Variants in JPT2 observed in about 807,000 individuals in gnomAD.
JPT2 encodes CRAMP_1 like.
In JPT2, 9 loss-of-function variants were observed where a neutral mutation model predicts 15.9. The ratio of observed to expected loss-of-function variants is 0.57; its 90% confidence interval spans 0.34 to 0.99. The LOEUF (loss-of-function observed/expected upper bound fraction) is 0.99. JPT2 is among the 50% of genes least tolerant of loss of function. The pLI, the probability that JPT2 is intolerant of heterozygous loss-of-function variation, is 0.02. For missense variants in JPT2, 267 were observed against 252.1 expected (o/e 1.06, Z -0.40); for synonymous variants, 95 against 91.7 (o/e 1.04, Z -0.21).
chr16:1,689,357 C>G (rs1170038500), intron 2 of JPT2: 2 of 152,202 alleles, frequency 1.3e-5, no homozygotes, highest in African/African-American at 2.4e-5. Flanking sequence ...TGCAGCATTG[C>G]TGAGGGCTTA....
At chr16:1,687,680 C>T (rs1227595682) in intron 2 of JPT2, among the ~76,000 whole-genome samples, 3 of 152,312 alleles carry the variant, frequency 2.0e-5, no homozygotes, top group Non-Finnish European at 4.4e-5. Context: ...GTGGTGCCAG[C>T]CATCATGGCT....
At chr16:1,692,012 C>T (rs762644506) in intron 3 of JPT2, 27 bp downstream of exon 3, 9 of 1,612,530 alleles carry the variant, frequency 5.6e-6, no homozygotes, top group African/African-American at 1.3e-5. Context: ...GACGTGACAG[C>T]GCAGCAGCGG....
intron 2 of JPT2, among the ~76,000 whole-genome samples, chr16:1,687,732 T>A (rs1432804185): frequency 1.3e-5 from 2 of 152,208 alleles, no homozygotes; most frequent in Admixed American, 6.5e-5. Context: ...TTCTCACGGT[T>A]GTTGGGAGTT....
At position 1,698,152 on chromosome 16, in the gene JPT2, A is replaced by G. The variant is rs1246210264; in HGVS notation, c.385+292A>G. Among the ~76,000 whole-genome samples the G allele has an allele frequency of 2.0e-5, 3 of 152,200 alleles. No individual in the cohort carries two copies. The highest frequency in any genetic ancestry group is 4.4e-5 in the Non-Finnish European group (3 of 68,024). On this transcript the variant is annotated intron_variant, in intron 4 of 4. Transcript: ENST00000248098. This position sits in a 1 kb window ranked among gnomAD's most constrained non-coding sequence, Gnocchi z 4.9. ...GGGATCCCAAACCTTCAGTGAACTC[A>G]TGACCAAGCATAGAGCTGGCAGAAC...
chr16:1,680,249 T>G, intron 1 of JPT2: 2 of 815,262 alleles, frequency 2.5e-6, no homozygotes, highest in Non-Finnish European at 3.0e-6. Flanking sequence ...GTGCATTTAG[T>G]ACGTTTCCTT....
rs1452735108 is a variant in JPT2 at position 1,701,614 on chromosome 16, TAAATG to T, written c.*2619_*2623del. 1 of 152,270 alleles carries T rather than the reference TAAATG, an allele frequency of 6.6e-6. No individual in the cohort carries two copies. The highest frequency in any genetic ancestry group is 1.5e-5 in the Non-Finnish European group (1 of 68,074). The allele number at this position is 152,270 out of a possible 1,614,324, so 9.4% of individuals were successfully genotyped here. On this transcript the variant is annotated 3_prime_UTR_variant, in exon 5 of 5. Coordinates refer to ENST00000248098, the MANE Select transcript of JPT2 (RefSeq NM_144570.3). ...TTTTTTTTTTTCTGTTTCTGTAACT[TAAATG>T]AACGGGTTTTTTTCCCTTGTATGCC...
chr16:1,698,989 C>G lies in JPT2; in HGVS notation c.564C>G (p.Ser188=). ...CACCGGGAGGCAAATCCAGCATCTC[C>G]TTCTACTAAGAGAAGCCACTGCTCC... ...LNPPGGKSSI[S]FY is the part of the protein sequence containing the mutation. Residue 188 remains serine (S), a synonymous_variant, in exon 5 of 5, where the codon TCC becomes TCG. Coordinates refer to ENST00000248098, the MANE Select transcript of JPT2 (RefSeq NM_144570.3). The surrounding 1 kb of genome is among the most constrained non-coding windows in gnomAD (Gnocchi z 4.9). The G allele has an allele frequency of 1.9e-6, 3 of 1,612,586 alleles. No homozygotes were observed. Among genetic ancestry groups the G allele is most frequent in the Admixed American group, 1.7e-5 (1 of 59,940 alleles).
At position 1,698,577 on chromosome 16, in the gene JPT2, G is replaced by A. The variant is rs1361419631; in HGVS notation, c.386-234G>A. On this transcript the variant is annotated intron_variant, in intron 4 of 4. Transcript: ENST00000248098. The surrounding 1 kb of genome is among the most constrained non-coding windows in gnomAD (Gnocchi z 4.9). ...ACAATTCACTTAGGAAGAAATCAAG[G>A]AGTATTTACAGTAGCAAGCCCCAAC... is the stretch of plus-strand genomic sequence containing the variant. Among the ~76,000 whole-genome samples, 1 of 152,186 alleles carries A rather than the reference G, an allele frequency of 6.6e-6. No homozygotes were observed. The highest frequency in any genetic ancestry group is 2.4e-5 in the African/African-American group (1 of 41,442).
At position 1,701,624 on chromosome 16, in the gene JPT2, G is replaced by C. The variant is rs1349425845; in HGVS notation, c.*2626G>C. ...TCTGTTTCTGTAACTTAAATGAACGGGTTTTTTTCCCTTGTATGCCACTTG... is the reference window on the plus strand; with the variant it reads ...TCTGTTTCTGTAACTTAAATGAACGCGTTTTTTTCCCTTGTATGCCACTTG... On this transcript the variant is annotated 3_prime_UTR_variant, in exon 5 of 5. Transcript: ENST00000248098. 6.6e-6 allele frequency: 1 copy of C among 152,076 alleles called. No homozygotes were observed. Among genetic ancestry groups the C allele is most frequent in the East Asian group, 1.9e-4 (1 of 5,184 alleles). The allele number at this position is 152,076 out of a possible 1,614,324, so 9.4% of individuals were successfully genotyped here.
chr16:1,691,962 T>G lies in JPT2; in HGVS notation c.313T>G (p.Leu105Val). Residue 105 changes from leucine (L) to valine (V), a missense_variant, in exon 3 of 5, where the codon TTG (leucine) becomes GTG (valine). By Grantham distance (32) the Leu-to-Val change is conservative (BLOSUM62 1). Coordinates refer to ENST00000248098, the MANE Select transcript of JPT2 (RefSeq NM_144570.3). ...FGSPVTATSR[L>V]AHPNKPKDHV... is the part of the protein sequence containing the mutation. ...GTCTCCGGTCACTGCCACTTCACGC[T>G]TGGCACACCCAAACAAACCCAAGGT... 13 of 1,614,194 alleles carry G rather than the reference T, an allele frequency of 8.1e-6. No individual in the cohort carries two copies. Among genetic ancestry groups the G allele is most frequent in the Non-Finnish European group, 1.0e-5 (12 of 1,180,042 alleles).
chr16:1,686,961 A>G (rs148994800), intron 2 of JPT2, among the ~76,000 whole-genome samples: 162 of 152,204 alleles, frequency 1.1e-3, no homozygotes, highest in African/African-American at 3.8e-3. Context: ...AAAGCAGTAG[A>G]TCCAGAAACT....
intron 2 of JPT2, among the ~76,000 whole-genome samples, chr16:1,687,729 G>A (rs1174302479): frequency 6.6e-6 from 1 of 152,158 alleles, no homozygotes; most frequent in African/African-American, 2.4e-5. Context: ...TCCTTCTCAC[G>A]GTTGTTGGGA....
chr16:1,697,784 C>T (rs1200567822), intron 3 of JPT2, 28 bp from the exon 4 acceptor site: 1 of 1,611,356 alleles, frequency 6.2e-7, no homozygotes, highest in East Asian at 2.2e-5. Context: ...CTGAGTGAGT[C>T]CTGATTTGGT....
At chr16:1,693,297 A>C (rs1596508810) in intron 3 of JPT2, among the ~76,000 whole-genome samples, 2 of 152,256 alleles carry the variant, frequency 1.3e-5, no homozygotes, top group Admixed American at 1.3e-4. Flanking sequence ...GGGTTTCACC[A>C]TGTTGGCCAG....
intron 2 of JPT2, 42 bp downstream of exon 2, chr16:1,685,629 T>C: frequency 6.3e-7 from 1 of 1,578,576 alleles, no homozygotes; most frequent in Non-Finnish European, 8.6e-7. Flanking sequence ...GCCTCCACGA[T>C]TCTCTTTTGA....
At position 1,678,303 on chromosome 16, in the gene JPT2, G is replaced by C. The variant is rs1386946739; in HGVS notation, c.-10G>C. 4 of 1,237,420 alleles carry C rather than the reference G, an allele frequency of 3.2e-6. No homozygotes were observed. The highest frequency in any genetic ancestry group is 4.1e-6 in the Non-Finnish European group (4 of 987,418). 76.7% of individuals were successfully genotyped at this position (1,237,420 alleles called of 1,614,324 possible). On this transcript the variant is annotated 5_prime_UTR_variant, in exon 1 of 5. Coordinates refer to ENST00000248098, the MANE Select transcript of JPT2 (RefSeq NM_144570.3). Reference sequence around the variant, plus strand: ...CGGCGCGCGGCGAGCTGAGGGTGGCGGCGGTCGACATGTTCCAGGTCCCGG... The same window carrying C: ...CGGCGCGCGGCGAGCTGAGGGTGGCCGCGGTCGACATGTTCCAGGTCCCGG...
chr16:1,695,943 A>G (rs2037138370), intron 3 of JPT2, among the ~76,000 whole-genome samples: 1 of 152,196 alleles, frequency 6.6e-6, no homozygotes, highest in Non-Finnish European at 1.5e-5. Context: ...AAAGAATGAA[A>G]ACAGGCCAGG....
At chr16:1,694,652 G>A (rs2037128052) in intron 3 of JPT2, among the ~76,000 whole-genome samples, 2 of 151,708 alleles carry the variant, frequency 1.3e-5, no homozygotes, top group Admixed American at 1.3e-4. Flanking sequence ...GACCAGTGGA[G>A]TCAAGTTGAG....
Position 1,691,923 on chromosome 16 carries a change from A to T in JPT2, c.274A>T (p.Ser92Cys), listed in dbSNP as rs372261763. 1.5e-5 allele frequency: 24 copies of T among 1,614,084 alleles called. No homozygotes were observed. The highest frequency in any genetic ancestry group is 1.9e-5 in the Non-Finnish European group (22 of 1,180,044). ...CCTGAACCCACCTGGAGGGAAGACC[A>T]GCGACATTTTTGGGTCTCCGGTCAC... ...QHLNPPGGKTSDIFGSPVTAT... is the reference protein window; with the variant it reads ...QHLNPPGGKTCDIFGSPVTAT... The change falls in exon 3 of 5, where the codon AGC becomes TGC. Residue 92 changes from serine to cysteine, a missense_variant. By Grantham distance (112) the Ser-to-Cys change is moderately radical (BLOSUM62 -1). Coordinates refer to ENST00000248098, the MANE Select transcript of JPT2 (RefSeq NM_144570.3).
Sources: gnomAD v4.1 joint callset for allele counts (sites outside exome capture counted in the v4.1 genomes callset) on GRCh38, gnomAD v4.1.1 for gene constraint, Gnocchi (gnomAD v3.1) non-coding constraint, MANE v1.5 for transcripts, NCBI Gene and HGNC (gene_info 2026-07-23, HGNC 2026-07-21) for gene names.